The following CNTN3 variants were observed in gnomAD, a reference collection of about 807,000 sequenced individuals.
CNTN3 encodes contactin 3.
CNTN3 carries 60 observed loss-of-function variants against 119.1 expected under a neutral mutation model. That is an observed-to-expected ratio of 0.50 (90% CI 0.41 to 0.62). The LOEUF (loss-of-function observed/expected upper bound fraction) is 0.62, where lower values mean the gene tolerates loss of function less well. Ranked by LOEUF, CNTN3 falls within the 20% of genes least tolerant of loss-of-function variation. The pLI is 0.00. For missense variants in CNTN3, 1,101 were observed against 1,242.4 expected (o/e 0.89, Z 1.71); for synonymous variants, 450 against 438.7 (o/e 1.03, Z -0.32).
intron 1 of CNTN3, among the ~76,000 whole-genome samples, chr3:74,581,766 A>G (rs184041915): frequency 1.3e-5 from 2 of 152,360 alleles, no homozygotes; most frequent in East Asian, 3.9e-4. Flanking sequence ...AGACAAATAG[A>G]GCAAGAAAAA....
intron 1 of CNTN3, among the ~76,000 whole-genome samples, chr3:74,554,733 G>A (rs924559887): frequency 6.6e-6 from 1 of 152,182 alleles, no homozygotes; most frequent in Non-Finnish European, 1.5e-5. Context: ...TGGTGTATAG[G>A]AATGCTTGTG....
At chr3:74,549,510 G>A (rs1204935191) in intron 1 of CNTN3, among the ~76,000 whole-genome samples, 1 of 152,074 alleles carries the variant, frequency 6.6e-6, no homozygotes, top group African/African-American at 2.4e-5. Flanking sequence ...AAAGATGGAT[G>A]GAAAATCCTA....
intron 1 of CNTN3, among the ~76,000 whole-genome samples, chr3:74,524,508 T>C (rs536109984): frequency 1.8e-4 from 27 of 151,940 alleles, no homozygotes; most frequent in African/African-American, 6.3e-4. Context: ...CTCTGAGGAA[T>C]TGGGGTACAG....
chr3:74,606,265 G>A (rs1178264014), intron 1 of CNTN3, among the ~76,000 whole-genome samples: 1 of 151,934 alleles, frequency 6.6e-6, no homozygotes, highest in Non-Finnish European at 1.5e-5. Flanking sequence ...TTAAAAACAG[G>A]GGCATATTAA....
chr3:74,305,703 T>C (rs1262463032), intron 13 of CNTN3, among the ~76,000 whole-genome samples: 1 of 150,822 alleles, frequency 6.6e-6, no homozygotes, highest in African/African-American at 2.4e-5. Flanking sequence ...CCTTTGGAGG[T>C]ATGGTAGTTT....
chr3:74,570,307 T>C (rs1373871063), intron 1 of CNTN3, among the ~76,000 whole-genome samples: 2 of 151,890 alleles, frequency 1.3e-5, no homozygotes, highest in East Asian at 1.9e-4. Context: ...ATTTTCTGAG[T>C]TAGGAAACAG....
At chr3:74,575,472 G>A (rs1704399131) in intron 1 of CNTN3, among the ~76,000 whole-genome samples, 1 of 151,824 alleles carries the variant, frequency 6.6e-6, no homozygotes, top group East Asian at 1.9e-4. Flanking sequence ...GACTGGTCTT[G>A]AACTCCTAAT....
chr3:74,545,770 T>C (rs987950584), intron 1 of CNTN3, among the ~76,000 whole-genome samples: 3 of 152,152 alleles, frequency 2.0e-5, no homozygotes, highest in African/African-American at 7.2e-5. Context: ...TTTGATTTAT[T>C]ACCAACCCCC....
At chr3:74,391,702 G>A (rs1452125554) in intron 5 of CNTN3, among the ~76,000 whole-genome samples, 3 of 151,820 alleles carry the variant, frequency 2.0e-5, no homozygotes, top group African/African-American at 4.8e-5. Context: ...GAGTAGCTGG[G>A]ACTACATTCG....
intron 13 of CNTN3, among the ~76,000 whole-genome samples, chr3:74,330,441 T>C (rs1373454559): frequency 2.6e-5 from 4 of 152,106 alleles, no homozygotes; most frequent in Non-Finnish European, 5.9e-5. Flanking sequence ...GCATTTGTGA[T>C]GATGCTGAGG....
intron 18 of CNTN3, 26 bp downstream of exon 18, chr3:74,297,931 C>A (rs141382625): frequency 6.5e-7 from 1 of 1,528,082 alleles, no homozygotes; most frequent in Non-Finnish European, 9.0e-7. Flanking sequence ...TTAGGCGGAA[C>A]TGATATACAG....
intron 2 of CNTN3, among the ~76,000 whole-genome samples, chr3:74,507,690 G>A (rs1205096782): frequency 2.1e-5 from 3 of 145,580 alleles, no homozygotes; most frequent in African/African-American, 7.7e-5. Context: ...GCAGTGCAGT[G>A]GCCCAATCTT....
At chr3:74,379,012 T>G (rs1043360262) in intron 5 of CNTN3, among the ~76,000 whole-genome samples, 14 of 152,198 alleles carry the variant, frequency 9.2e-5, no homozygotes, top group South Asian at 8.3e-4. Flanking sequence ...GTAACAGAGA[T>G]AACACTTATC....
At chr3:74,465,096 C>G (rs138856653) in intron 4 of CNTN3, among the ~76,000 whole-genome samples, 1 of 152,276 alleles carries the variant, frequency 6.6e-6, no homozygotes, top group East Asian at 1.9e-4. Flanking sequence ...TGATCCTGTT[C>G]AAATTTGTAA....
At chr3:74,530,921 G>A (rs1703684613) in intron 1 of CNTN3, among the ~76,000 whole-genome samples, 1 of 151,842 alleles carries the variant, frequency 6.6e-6, no homozygotes, top group African/African-American at 2.4e-5. Context: ...GGAAGAAAAC[G>A]CCAGTTCTGC....
At chr3:74,427,013 G>A (rs1406068962) in intron 4 of CNTN3, among the ~76,000 whole-genome samples, 2 of 152,178 alleles carry the variant, frequency 1.3e-5, no homozygotes, top group African/African-American at 4.8e-5. Context: ...GTATAGAATA[G>A]TTCTACGGAA....
At chr3:74,365,248 A>G (rs1180730686) in intron 9 of CNTN3, among the ~76,000 whole-genome samples, 1 of 152,136 alleles carries the variant, frequency 6.6e-6, no homozygotes, top group Non-Finnish European at 1.5e-5. Context: ...GGAAAAGGAA[A>G]TTATATCCTA....
intron 20 of CNTN3, among the ~76,000 whole-genome samples, chr3:74,281,530 T>C (rs550424688): frequency 2.7e-4 from 41 of 152,144 alleles, no homozygotes; most frequent in African/African-American, 9.2e-4. Flanking sequence ...TGTCTCAGCA[T>C]AGTGAGACAG....
rs1702292955 is a variant in CNTN3, at chr3:74,457,540, T to C, written c.358+28916A>G. On this transcript the variant is annotated intron_variant, in intron 4 of 22. Coordinates refer to ENST00000263665, the MANE Select transcript of CNTN3 (RefSeq NM_020872.3). ...AAAAAATAAACCCAATATTCAAATA[T>C]AAAATGTTATTTGTAGTATAGCGGA... is the stretch of plus-strand genomic sequence containing the variant. 3.9e-5 allele frequency among the ~76,000 whole-genome samples: 6 copies of C among 152,124 alleles called. No individual in the cohort carries two copies. In the South Asian group the frequency reaches 1.0e-3, roughly 26 times the overall value.
Sources: allele counts gnomAD v4.1 joint callset (sites outside exome capture counted in the v4.1 genomes callset), GRCh38; gene constraint gnomAD v4.1.1; transcripts MANE v1.5; gene names NCBI Gene and HGNC (gene_info 2026-07-23, HGNC 2026-07-21).